The following ASTN1 variants were observed in gnomAD, a reference collection of about 807,000 sequenced individuals.
ASTN1 encodes astrotactin-1.
Under a neutral mutation model 140.7 loss-of-function variants are expected in ASTN1, and 41 were observed. That is an observed-to-expected ratio of 0.29 (90% CI 0.23 to 0.38). ASTN1 has a LOEUF of 0.38. ASTN1 is among the 10% of genes least tolerant of loss of function. The pLI is 1.00. For synonymous variants in ASTN1, 640 were observed against 652.2 expected, an observed-to-expected ratio of 0.98 and a Z score of 0.29; for missense variants, 1,479 against 1,678.8, an observed-to-expected ratio of 0.88 and a Z score of 2.08.
intron 1 of ASTN1, among the ~76,000 whole-genome samples, chr1:177,073,200 G>A (rs931261446): frequency 6.6e-6 from 1 of 152,124 alleles, no homozygotes; most frequent in African/African-American, 2.4e-5. Flanking sequence ...TGTGCCAGGG[G>A]ACATTCATCC....
At chr1:177,128,471 T>C (rs1454860831) in intron 1 of ASTN1, among the ~76,000 whole-genome samples, 1 of 152,224 alleles carries the variant, frequency 6.6e-6, no homozygotes, top group Non-Finnish European at 1.5e-5. Flanking sequence ...TGAGTTACTT[T>C]TGAACAAGCT....
chr1:177,104,333 G>A (rs1446030640), intron 1 of ASTN1, among the ~76,000 whole-genome samples: 2 of 152,058 alleles, frequency 1.3e-5, no homozygotes, highest in African/African-American at 4.8e-5. Flanking sequence ...AGAAACTGCT[G>A]CATATTCCTT....
At chr1:176,956,918 G>A (rs963074589) in intron 11 of ASTN1, among the ~76,000 whole-genome samples, 24 of 152,188 alleles carry the variant, frequency 1.6e-4, no homozygotes, top group African/African-American at 5.5e-4. Flanking sequence ...TTTTTTAAGA[G>A]ACAGGGTCTC....
chr1:176,885,530 A>G (rs925915695), intron 18 of ASTN1, among the ~76,000 whole-genome samples: 1 of 152,116 alleles, frequency 6.6e-6, no homozygotes, highest in African/African-American at 2.4e-5. Context: ...CTCCCTTACA[A>G]GTATCCCTGC....
At chr1:177,080,293 C>T (rs1342619222) in intron 1 of ASTN1, among the ~76,000 whole-genome samples, 1 of 143,124 alleles carries the variant, frequency 7.0e-6, no homozygotes, top group East Asian at 2.1e-4. Flanking sequence ...CGGTATCACA[C>T]TCTCAACTAA....
chr1:177,110,793 C>G (rs1442641230), intron 1 of ASTN1, among the ~76,000 whole-genome samples: 1 of 152,170 alleles, frequency 6.6e-6, no homozygotes, highest in Non-Finnish European at 1.5e-5. Flanking sequence ...TAAGCCCATA[C>G]CCTGCGCTGT....
intron 2 of ASTN1, among the ~76,000 whole-genome samples, chr1:177,053,801 C>T (rs1677657853): frequency 6.6e-6 from 1 of 152,184 alleles, no homozygotes. Context: ...TGCCAATAAA[C>T]CCACCACCAG....
At chr1:176,875,475 G>A (rs1407333739) in intron 21 of ASTN1, among the ~76,000 whole-genome samples, 2 of 152,158 alleles carry the variant, frequency 1.3e-5, no homozygotes, top group African/African-American at 4.8e-5. Flanking sequence ...AACATGCTCT[G>A]CAGATTAAAG....
At chr1:176,993,898 T>C (rs764535290) in intron 8 of ASTN1, among the ~76,000 whole-genome samples, 1 of 152,230 alleles carries the variant, frequency 6.6e-6, no homozygotes, top group South Asian at 2.1e-4. Flanking sequence ...TTCTGCACTT[T>C]ATACATTGAT....
chr1:176,889,257 G>A (rs752278445), intron 17 of ASTN1, among the ~76,000 whole-genome samples: 4 of 152,236 alleles, frequency 2.6e-5, no homozygotes, highest in Non-Finnish European at 4.4e-5. Flanking sequence ...CTATCCCAAG[G>A]GGAGGGAGAG....
At position 176,958,415 on chromosome 1, in the gene ASTN1, C is replaced by T. The variant is rs758946441; in HGVS notation, c.1666G>A (p.Glu556Lys). 20 of 1,613,980 alleles carry T rather than the reference C, an allele frequency of 1.2e-5. No individual in the cohort carries two copies. Among genetic ancestry groups the T allele is most frequent in the African/African-American group, 1.1e-4 (8 of 74,922 alleles). ...TTTGCTGATGGATTGATGGCCAGTT[C>T]GGCTGGTGGAATCACAAAGCTCTTG... is the stretch of plus-strand genomic sequence containing the variant. ...LSKSFVIPPA[E>K]LAINPSAKCK... The change falls in exon 10 of 23, where the codon GAA becomes AAA. Residue 556 changes from glutamate (E) to lysine (K), a missense_variant. This residue lies in a region of ASTN1 where 729 missense variants were observed against 860.4 expected (regional missense o/e 0.85). Coordinates refer to ENST00000361833, the MANE Select transcript of ASTN1 (RefSeq NM_004319.3).
At chr1:177,147,688 T>C (rs943613064) in intron 1 of ASTN1, among the ~76,000 whole-genome samples, 3 of 152,182 alleles carry the variant, frequency 2.0e-5, no homozygotes, top group Admixed American at 1.3e-4. Flanking sequence ...CACTTCACCT[T>C]AGTGCTTGCA....
downstream of ASTN1, chr1:176,860,926 T>C (rs1667939316): frequency 6.7e-6 from 2 of 300,582 alleles, no homozygotes; most frequent in South Asian, 1.3e-4. Flanking sequence ...ATTTGATTCT[T>C]TTTTTTTCCA....
At chr1:177,068,734 CA>C (rs1678485964) in intron 1 of ASTN1, among the ~76,000 whole-genome samples, 1 of 152,060 alleles carries the variant, frequency 6.6e-6, no homozygotes, top group Non-Finnish European at 1.5e-5. Flanking sequence ...TTCTGTATGG[CA>C]CCTGGATAAA....
intron 12 of ASTN1, among the ~76,000 whole-genome samples, chr1:176,948,697 G>A (rs988828790): frequency 2.6e-5 from 4 of 152,176 alleles, no homozygotes; most frequent in African/African-American, 9.7e-5. Context: ...TGCCTCAGGA[G>A]GAGTGGCTGC....
At chr1:177,053,464 G>C (rs1677639782) in intron 2 of ASTN1, among the ~76,000 whole-genome samples, 1 of 152,192 alleles carries the variant, frequency 6.6e-6, no homozygotes, top group African/African-American at 2.4e-5. Flanking sequence ...TCTCAGTTCT[G>C]CCAAGGGCCC....
chr1:176,962,713 T>C (rs984770134), intron 9 of ASTN1, among the ~76,000 whole-genome samples: 2 of 152,174 alleles, frequency 1.3e-5, no homozygotes, highest in African/African-American at 4.8e-5. Context: ...CATGATGCTT[T>C]TAAAAAACAC....
intron 2 of ASTN1, among the ~76,000 whole-genome samples, chr1:177,046,147 C>T (rs565339557): frequency 6.6e-6 from 1 of 152,290 alleles, no homozygotes; most frequent in South Asian, 2.1e-4. Flanking sequence ...ATGAGAGATA[C>T]AGGCTACAAA....
At chr1:177,095,171 G>A (rs533747405) in intron 1 of ASTN1, among the ~76,000 whole-genome samples, 1 of 152,276 alleles carries the variant, frequency 6.6e-6, no homozygotes, top group East Asian at 1.9e-4. Context: ...AATATAAGAA[G>A]TGAGAACTGA....
Sources: allele counts gnomAD v4.1 joint callset (sites outside exome capture counted in the v4.1 genomes callset), GRCh38; gene constraint gnomAD v4.1.1; regional missense constraint gnomAD v4.1.1; transcripts MANE v1.5; gene names NCBI Gene and HGNC (gene_info 2026-07-23, HGNC 2026-07-21).